The following ZNF626 variants were observed in gnomAD, a reference collection of about 807,000 sequenced individuals.
ZNF626 encodes the protein zinc finger protein 626, also known as CTC-513N18.7.
Under a neutral mutation model 11.7 loss-of-function variants are expected in ZNF626, and 4 were observed. That is an observed-to-expected ratio of 0.34 (90% CI 0.17 to 0.78). The LOEUF is 0.78. Among genes scored for constraint, ZNF626 ranks in the 30% least tolerant of loss-of-function variants. The probability of loss-of-function intolerance (pLI) is 0.57; values close to 1 mark genes in which losing one functional copy is unlikely to be tolerated. For missense variants in ZNF626, 588 were observed against 587.1 expected (o/e 1.00, Z -0.01); for synonymous variants, 179 against 198.6 (o/e 0.90, Z 0.83).
chr19:20,632,953 A>G (rs1238209955), intron 3 of ZNF626, among the ~76,000 whole-genome samples: 10 of 151,890 alleles, frequency 6.6e-5, no homozygotes, highest in Non-Finnish European at 1.2e-4. Context: ...TGATGTACAG[A>G]TGGGTTTTTG....
At chr19:20,631,373 G>T (rs147115268) in intron 3 of ZNF626, among the ~76,000 whole-genome samples, 1 of 152,030 alleles carries the variant, frequency 6.6e-6, no homozygotes, top group Non-Finnish European at 1.5e-5. Context: ...TCTGTCTAAC[G>T]TTGACAGTGC....
At chr19:20,656,501 C>T (rs781909991) in intron 1 of ZNF626, among the ~76,000 whole-genome samples, 8 of 152,062 alleles carry the variant, frequency 5.3e-5, no homozygotes, top group African/African-American at 1.9e-4. Flanking sequence ...CTCAAACAAA[C>T]AACCTACAGA....
chr19:20,625,342 C>T lies in ZNF626; in HGVS notation c.535G>A (p.Gly179Ser), dbSNP rs565618135. The change falls in exon 4 of 4, where the codon GGC (glycine) becomes AGC (serine). Residue 179 changes from glycine (G) to serine (S), a missense_variant. Physicochemically the swap from Gly to Ser is moderately conservative, Grantham distance 56. Coordinates refer to ENST00000601440, the MANE Select transcript of ZNF626 (RefSeq NM_001076675.3). ...GKKPFKYIEC[G>S]KAFKQFSTLT... Reference sequence around the variant, plus strand: ...GTTGAGAACTGCTTAAAAGCTTTGCCACATTCTATATATTTGAAAGGTTTT... The same window carrying T: ...GTTGAGAACTGCTTAAAAGCTTTGCTACATTCTATATATTTGAAAGGTTTT... 8.2e-5 allele frequency: 133 copies of T among 1,613,896 alleles called. 1 individual carries two copies. Among genetic ancestry groups the T allele is most frequent in the South Asian group, 5.5e-4 (50 of 91,070 alleles).
intron 1 of ZNF626, among the ~76,000 whole-genome samples, chr19:20,653,165 G>A (rs369266235): frequency 1.3e-5 from 2 of 152,122 alleles, no homozygotes; most frequent in African/African-American, 4.8e-5. Context: ...ATGTCCCCTC[G>A]AGTAAATTCT....
chr19:20,658,034 T>G (rs1234538320), intron 1 of ZNF626, among the ~76,000 whole-genome samples: 1 of 151,298 alleles, frequency 6.6e-6, no homozygotes, highest in Non-Finnish European at 1.5e-5. Flanking sequence ...AATCTGCACT[T>G]CAAACCCCCA....
chr19:20,637,040 G>GACC (rs1969974161), intron 3 of ZNF626, among the ~76,000 whole-genome samples: 11 of 87,562 alleles, frequency 1.3e-4, no homozygotes, highest in African/African-American at 1.8e-4. Flanking sequence ...AAAAAAAAAG[G>GACC]CCCAGTGCAA....
At chr19:20,638,804 A>C (rs1415433819) in intron 3 of ZNF626, among the ~76,000 whole-genome samples, 8 of 152,162 alleles carry the variant, frequency 5.3e-5, no homozygotes, top group African/African-American at 1.9e-4. Flanking sequence ...ACAAAAGTGA[A>C]GGAAGACATA....
At chr19:20,641,135 CAAAA>C (rs141617081) in intron 3 of ZNF626, among the ~76,000 whole-genome samples, 71 of 111,864 alleles carry the variant, frequency 6.3e-4, no homozygotes, top group Non-Finnish European at 7.3e-4. Context: ...GACTCCATCT[CAAAA>C]AAAAAAAAAA....
intron 3 of ZNF626, among the ~76,000 whole-genome samples, chr19:20,641,244 CTT>C (rs138770195): frequency 0.047 from 7,216 of 151,958 alleles, 197 homozygotes; most frequent in Non-Finnish European, 0.049. Flanking sequence ...CCAGATGTCT[CTT>C]GATTTAAAAA....
chr19:20,635,988 C>T (rs377190323), intron 3 of ZNF626, among the ~76,000 whole-genome samples: 5 of 152,104 alleles, frequency 3.3e-5, no homozygotes, highest in African/African-American at 7.2e-5. Context: ...CAAAATTAGC[C>T]GGGTGTGGTG....
At chr19:20,653,277 A>C (rs552554018) in intron 1 of ZNF626, among the ~76,000 whole-genome samples, 1 of 152,284 alleles carries the variant, frequency 6.6e-6, no homozygotes, top group African/African-American at 2.4e-5. Flanking sequence ...ACTCCACAAT[A>C]ACAGAACAGA....
intron 1 of ZNF626, among the ~76,000 whole-genome samples, chr19:20,649,929 G>A (rs991842681): frequency 6.6e-6 from 1 of 152,122 alleles, no homozygotes; most frequent in Non-Finnish European, 1.5e-5. Flanking sequence ...TACAAATAAG[G>A]ACAACCCATC....
chr19:20,660,222 C>T (rs1428089631), intron 1 of ZNF626, among the ~76,000 whole-genome samples: 4 of 138,046 alleles, frequency 2.9e-5, no homozygotes, highest in Non-Finnish European at 6.0e-5. Context: ...CCAGCCTGGG[C>T]ACCACAAGCG....
At position 20,622,484 on chromosome 19, in the gene ZNF626, AACTC is replaced by A. The variant is rs552003311; in HGVS notation, c.*1802_*1805del. ...ATAGAAAAGGTCATAAAGAATGCCC[AACTC>A]ATAAAGAATCTCTAATATCTCTGAT... On this transcript the variant is annotated 3_prime_UTR_variant, in exon 4 of 4. Transcript: ENST00000601440. 9.2e-5 allele frequency: 14 copies of A among 152,278 alleles called. No individual in the cohort carries two copies. The East Asian group carries it at 1.2e-3, about 13-fold the overall frequency. 9.4% of individuals were successfully genotyped at this position (152,278 alleles called of 1,614,324 possible).
At chr19:20,634,501 T>C (rs1177551309) in intron 3 of ZNF626, among the ~76,000 whole-genome samples, 1 of 145,762 alleles carries the variant, frequency 6.9e-6, no homozygotes, top group Non-Finnish European at 1.5e-5. Context: ...ATAATATAAA[T>C]AATTGATAAA....
At position 20,624,224 on chromosome 19, in the gene ZNF626, G is replaced by C. The variant is rs1282705605; in HGVS notation, c.*66C>G. 3.7e-6 allele frequency: 6 copies of C among 1,610,834 alleles called. No homozygotes were observed. The highest frequency in any genetic ancestry group is 4.5e-5 in the East Asian group (2 of 44,812). On this transcript the variant is annotated 3_prime_UTR_variant, in exon 4 of 4. Coordinates refer to ENST00000601440, the MANE Select transcript of ZNF626 (RefSeq NM_001076675.3). The stretch of plus-strand genomic sequence containing the variant: ...GTATGAATTTTCTTATGTGTAGTAA[G>C]GTTAGAGAAATGCTTAAAAGCTTTG...
intron 1 of ZNF626, among the ~76,000 whole-genome samples, chr19:20,651,344 A>G (rs1970144135): frequency 6.6e-6 from 1 of 151,730 alleles, no homozygotes; most frequent in South Asian, 2.1e-4. Context: ...TGCATAATTC[A>G]AGTATTTATC....
chr19:20,650,257 A>C (rs1347709734), intron 1 of ZNF626, among the ~76,000 whole-genome samples: 4 of 151,690 alleles, frequency 2.6e-5, no homozygotes, highest in African/African-American at 4.8e-5. Context: ...AAAAAAAAAA[A>C]CCATAAAAAA....
At chr19:20,625,765 A>G in intron 3 of ZNF626, 115 bp from the exon 4 acceptor site, 1 of 1,078,366 alleles carries the variant, frequency 9.3e-7, no homozygotes, top group Admixed American at 3.5e-5. Context: ...GACACAGGAA[A>G]ATACCACAAG....
Sources: gnomAD v4.1 joint callset for allele counts (sites outside exome capture counted in the v4.1 genomes callset) on GRCh38, gnomAD v4.1.1 for gene constraint, MANE v1.5 for transcripts, NCBI Gene and HGNC (gene_info 2026-07-23, HGNC 2026-07-21) for gene names.